ULK4: variants seen among roughly 807,000 people sequenced by gnomAD.
ULK4 encodes inactive serine/threonine-protein kinase ULK4.
In ULK4, 133 loss-of-function variants were observed where a neutral mutation model predicts 160.6. The observed-to-expected ratio is 0.83, with a 90% CI of 0.72 to 0.96. The LOEUF (loss-of-function observed/expected upper bound fraction) is 0.96. Among genes scored for constraint, ULK4 ranks in the 40% least tolerant of loss-of-function variants. ULK4 has a pLI of 0.00. For synonymous variants in ULK4, 534 were observed against 539.8 expected, an observed-to-expected ratio of 0.99 and a Z score of 0.15; for missense variants, 1,580 against 1,499.5, an observed-to-expected ratio of 1.05 and a Z score of -0.89.
chr3:41,910,691 C>A lies in ULK4; in HGVS notation c.1085+626G>T, dbSNP rs145893769. Among the ~76,000 whole-genome samples the A allele has an allele frequency of 6.7e-3, 1,024 of 152,192 alleles. 9 individuals carry two copies. Among genetic ancestry groups the A allele is most frequent in the African/African-American group, 0.024 (984 of 41,546 alleles). The stretch of plus-strand genomic sequence containing the variant: ...GTAAGTATTTATCCAAATAAAGAAG[C>A]TTTTGCCTTCAAAGCATTAACAACA... On this transcript the variant is annotated intron_variant, in intron 11 of 36. Transcript: ENST00000301831.
At position 41,391,246 on chromosome 3, in the gene ULK4, A is replaced by G. The variant is rs577483005; in HGVS notation, c.3678+6833T>C. Among the ~76,000 whole-genome samples, 10 of 150,202 alleles carry G rather than the reference A, an allele frequency of 6.7e-5. No homozygotes were observed. In the East Asian group the frequency reaches 2.0e-3, roughly 30 times the overall value. Reference sequence around the variant, plus strand: ...CAAATGAGTGTGTATGGATTCAAGAAAAGATCTCTTTCAGAAACGCTTAAG... The same window carrying G: ...CAAATGAGTGTGTATGGATTCAAGAGAAGATCTCTTTCAGAAACGCTTAAG... On this transcript the variant is annotated intron_variant, in intron 35 of 36. Transcript: ENST00000301831.
chr3:41,334,478 T>C (rs886712700), intron 35 of ULK4, among the ~76,000 whole-genome samples: 4 of 152,194 alleles, frequency 2.6e-5, no homozygotes, highest in Non-Finnish European at 5.9e-5. Flanking sequence ...GGGCTATTTT[T>C]CTGCACAGGC....
intron 31 of ULK4, among the ~76,000 whole-genome samples, chr3:41,583,415 A>C (rs914594053): frequency 5.3e-5 from 8 of 152,220 alleles, no homozygotes; most frequent in African/African-American, 1.9e-4. Context: ...GAGATGGATC[A>C]TCTAAAATTT....
chr3:41,581,670 C>T (rs1335437080), intron 31 of ULK4, among the ~76,000 whole-genome samples: 1 of 152,202 alleles, frequency 6.6e-6, no homozygotes, highest in East Asian at 1.9e-4. Context: ...GGTCCCAAAC[C>T]TACACCCAGA....
intron 35 of ULK4, among the ~76,000 whole-genome samples, chr3:41,254,220 T>TA (rs1374577173): frequency 1.3e-5 from 2 of 152,208 alleles, no homozygotes; most frequent in African/African-American, 4.8e-5. Flanking sequence ...CAGGAATACT[T>TA]ACAAATGTAT....
At chr3:41,781,934 C>A (rs958722348) in intron 21 of ULK4, among the ~76,000 whole-genome samples, 1 of 152,252 alleles carries the variant, frequency 6.6e-6, no homozygotes. Context: ...AGCAAAATTC[C>A]ACCTAAAAAA....
At chr3:41,502,857 A>G (rs1247092435) in intron 32 of ULK4, among the ~76,000 whole-genome samples, 1 of 152,200 alleles carries the variant, frequency 6.6e-6, no homozygotes, top group Non-Finnish European at 1.5e-5. Flanking sequence ...TATCTTGATT[A>G]TGGTGATGGC....
chr3:41,334,578 G>C (rs536865022), intron 35 of ULK4, among the ~76,000 whole-genome samples: 1 of 152,124 alleles, frequency 6.6e-6, no homozygotes, highest in Admixed American at 6.5e-5. Context: ...CTCTGGTGTG[G>C]GCTGTGCAGG....
chr3:41,583,266 C>T (rs1423294913), intron 31 of ULK4, among the ~76,000 whole-genome samples: 1 of 152,166 alleles, frequency 6.6e-6, no homozygotes, highest in Non-Finnish European at 1.5e-5. Flanking sequence ...ATTAAACATG[C>T]TCTTAGCTCC....
At chr3:41,902,612 AG>A (rs1293135531) in intron 12 of ULK4, among the ~76,000 whole-genome samples, 4 of 151,364 alleles carry the variant, frequency 2.6e-5, no homozygotes, top group African/African-American at 9.7e-5. Context: ...AGGCCCACAA[AG>A]AATGAAGAGG....
chr3:41,348,796 T>C (rs1480893410), intron 35 of ULK4, among the ~76,000 whole-genome samples: 1 of 152,192 alleles, frequency 6.6e-6, no homozygotes, highest in Non-Finnish European at 1.5e-5. Context: ...TCAGATTTGA[T>C]AAAATCTGAT....
chr3:41,346,120 C>T (rs2080795044), intron 35 of ULK4, among the ~76,000 whole-genome samples: 2 of 152,156 alleles, frequency 1.3e-5, no homozygotes. Context: ...ACACTCAAGA[C>T]TCCCGGCTTC....
chr3:41,449,300 C>T (rs565426633), intron 34 of ULK4, among the ~76,000 whole-genome samples: 12 of 152,182 alleles, frequency 7.9e-5, no homozygotes, highest in Admixed American at 4.6e-4. Flanking sequence ...TGGGCTCAAG[C>T]GATCCTCTTG....
chr3:41,463,511 G>C (rs1369674888), intron 32 of ULK4, among the ~76,000 whole-genome samples: 1 of 152,172 alleles, frequency 6.6e-6, no homozygotes, highest in East Asian at 1.9e-4. Context: ...ACCACAGCTT[G>C]AGAAACACCA....
chr3:41,293,110 T>C (rs1483697435), intron 35 of ULK4, among the ~76,000 whole-genome samples: 1 of 151,688 alleles, frequency 6.6e-6, no homozygotes, highest in Non-Finnish European at 1.5e-5. Flanking sequence ...AGAGGCTCCA[T>C]CTAAAAAAGA....
rs1025324529 is a variant in ULK4 at position 41,859,467 on chromosome 3, G to A, written c.1657-23496C>T. Reference sequence around the variant, plus strand: ...AAAAGAGATAGCAGAAACCTGGACAGGTCACCAATATGGTAATGATAACTT... The same window carrying A: ...AAAAGAGATAGCAGAAACCTGGACAAGTCACCAATATGGTAATGATAACTT... On this transcript the variant is annotated intron_variant, in intron 17 of 36. Transcript: ENST00000301831. 26 of 550,790 alleles carry A rather than the reference G, an allele frequency of 4.7e-5. No homozygotes were observed. The African/African-American group carries it at 4.8e-4, about 10-fold the overall frequency. 34.1% of individuals were successfully genotyped at this position (550,790 alleles called of 1,614,324 possible). A position where few individuals can be genotyped will look rare whatever the true frequency, so the allele number is the denominator to read the frequency against.
Position 41,506,767 on chromosome 3 carries a change from A to AAAAAAAAAAAAAAAAAAAAAAATATAT in ULK4, c.3227-43515_3227-43514insATATATTTTTTTTTTTTTTTTTTTTTT. ...AGCAATACACTGGAGTGTGATTTAA[A>AAAAAAAAAAAAAAAAAAAAAAATATAT]ATATATATATATATATATATATATA... On this transcript the variant is annotated intron_variant, in intron 32 of 36. Transcript: ENST00000301831. Among the ~76,000 whole-genome samples, 22 of 56,792 alleles carry AAAAAAAAAAAAAAAAAAAAAAATATAT rather than the reference A, an allele frequency of 3.9e-4. 2 individuals are homozygous for AAAAAAAAAAAAAAAAAAAAAAATATAT. The highest frequency in any genetic ancestry group is 5.9e-4 in the Non-Finnish European group (19 of 31,982). The allele number at this position is 56,792 out of a possible 152,430, so 37.3% of individuals were successfully genotyped here.
intron 32 of ULK4, among the ~76,000 whole-genome samples, chr3:41,542,006 A>C (rs2086711805): frequency 6.6e-6 from 1 of 151,924 alleles, no homozygotes; most frequent in Non-Finnish European, 1.5e-5. Flanking sequence ...AATACCCTTT[A>C]TTTCTTTCTC....
chr3:41,440,519 T>G (rs950377635), intron 34 of ULK4, among the ~76,000 whole-genome samples: 2 of 152,116 alleles, frequency 1.3e-5, no homozygotes, highest in Non-Finnish European at 2.9e-5. Context: ...CTCTTGGCCA[T>G]GGTATATTTA....
Sources: gnomAD v4.1 joint callset for allele counts (sites outside exome capture counted in the v4.1 genomes callset) on GRCh38, gnomAD v4.1.1 for gene constraint, MANE v1.5 for transcripts, NCBI Gene and HGNC (gene_info 2026-07-23, HGNC 2026-07-21) for gene names.